Variants in OPRD1 observed in about 807,000 individuals in gnomAD.
OPRD1 encodes the protein delta-type opioid receptor.
OPRD1 carries 19 observed loss-of-function variants against 17.5 expected under a neutral mutation model. The observed-to-expected ratio is 1.09, with a 90% confidence interval of 0.76 to 1.60. OPRD1 has a LOEUF of 1.60. Ranked by LOEUF, OPRD1 falls within the 40% of genes most tolerant of loss-of-function variation. OPRD1 has a pLI of 0.00. For missense variants in OPRD1, 483 were observed against 547.2 expected (o/e 0.88, Z 1.17); for synonymous variants, 256 against 240.9 (o/e 1.06, Z -0.58).
intron 1 of OPRD1, among the ~76,000 whole-genome samples, chr1:28,846,596 T>C (rs952307125): frequency 1.3e-5 from 2 of 150,754 alleles, no homozygotes; most frequent in Non-Finnish European, 2.9e-5. Context: ...GGCACGAGAA[T>C]CGCTTGAACC....
At chr1:28,859,737 G>A (rs989930290) in intron 2 of OPRD1, among the ~76,000 whole-genome samples, 4 of 152,182 alleles carry the variant, frequency 2.6e-5, no homozygotes, top group African/African-American at 9.7e-5. Context: ...AAGATCTGTG[G>A]TCCCATTTTA....
At chr1:28,844,166 T>G (rs886369908) in intron 1 of OPRD1, among the ~76,000 whole-genome samples, 2 of 19,748 alleles carry the variant, frequency 1.0e-4, no homozygotes, top group Middle Eastern at 0.02. Flanking sequence ...TGATTTCTGT[T>G]TTTTTTTTTT....
At chr1:28,855,628 G>A (rs147906018) in intron 1 of OPRD1, among the ~76,000 whole-genome samples, 241 of 152,312 alleles carry the variant, frequency 1.6e-3, no homozygotes, top group African/African-American at 5.6e-3. Flanking sequence ...CGCTCAGCCC[G>A]CTTGGACCAA....
chr1:28,852,164 T>TAAAA (rs71030305), intron 1 of OPRD1, among the ~76,000 whole-genome samples: 61 of 86,526 alleles, frequency 7.0e-4, no homozygotes, highest in Non-Finnish European at 9.0e-4. Context: ...AAACTCCATG[T>TAAAA]AAAAAAAAAA....
chr1:28,824,179 C>CCCA (rs1169377469), intron 1 of OPRD1, among the ~76,000 whole-genome samples: 9 of 82,326 alleles, frequency 1.1e-4, no homozygotes, highest in African/African-American at 3.3e-4. Context: ...AACCTATCTC[C>CCCA]AAAAAAAAAA....
chr1:28,846,911 C>CTTTCTTTCTT, intron 1 of OPRD1, among the ~76,000 whole-genome samples: 2 of 124,080 alleles, frequency 1.6e-5, no homozygotes, highest in African/African-American at 3.0e-5. Context: ...CTTTCTTTTT[C>CTTTCTTTCTT]TTTCTTTCTT....
At position 28,867,540 on chromosome 1, in the gene OPRD1, CTG is replaced by C. The variant is rs991024820; in HGVS notation, c.*4261_*4262del. Reference sequence around the variant, plus strand: ...TTTTTCAATAGAGACCAGAGTGTCTCTGTGTTGCCCAGACTGGTCTTGAACTT... The same window carrying C: ...TTTTTCAATAGAGACCAGAGTGTCTCTGTTGCCCAGACTGGTCTTGAACTT... On this transcript the variant is annotated 3_prime_UTR_variant, in exon 3 of 3. Coordinates refer to ENST00000234961, the MANE Select transcript of OPRD1 (RefSeq NM_000911.4). 2.6e-5 allele frequency: 4 copies of C among 151,778 alleles called. No homozygotes were observed. The highest frequency in any genetic ancestry group is 9.7e-5 in the African/African-American group (4 of 41,272). The allele number at this position is 151,778 out of a possible 1,614,324, so 9.4% of individuals were successfully genotyped here. A position where few individuals can be genotyped will look rare whatever the true frequency, so the allele number is the denominator to read the frequency against.
intron 1 of OPRD1, among the ~76,000 whole-genome samples, chr1:28,858,038 G>A (rs2089073024): frequency 1.3e-5 from 2 of 150,436 alleles, no homozygotes; most frequent in African/African-American, 4.9e-5. Flanking sequence ...CTCGTGATCC[G>A]CCCACCTCGG....
intron 1 of OPRD1, among the ~76,000 whole-genome samples, chr1:28,824,319 T>TC (rs982294983): frequency 1.5e-5 from 2 of 134,554 alleles, no homozygotes; most frequent in Admixed American, 7.1e-5. Flanking sequence ...TTTTCTTTTT[T>TC]TTTTTTTTTT....
Position 28,854,876 on chromosome 1 carries a change from T to C in OPRD1, c.228-4078T>C, listed in dbSNP as rs181200846. Among the ~76,000 whole-genome samples the C allele has an allele frequency of 5.0e-3, 755 of 151,954 alleles. 7 individuals are homozygous for C. The highest frequency in any genetic ancestry group is 0.017 in the African/African-American group (719 of 41,426). ...CGTGTTAGTCAGGCTGGTCTCGAAC[T>C]CCTGACCTCGTGATCCACCCACCTC... On this transcript the variant is annotated intron_variant, in intron 1 of 2. Coordinates refer to ENST00000234961, the MANE Select transcript of OPRD1 (RefSeq NM_000911.4).
Position 28,866,288 on chromosome 1 carries a change from G to C in OPRD1, c.*3005G>C, listed in dbSNP as rs1037939483. 2 of 152,272 alleles carry C rather than the reference G, an allele frequency of 1.3e-5. No homozygotes were observed. The highest frequency in any genetic ancestry group is 4.8e-5 in the African/African-American group (2 of 41,466). 9.4% of individuals were successfully genotyped at this position (152,272 alleles called of 1,614,324 possible). On this transcript the variant is annotated 3_prime_UTR_variant, in exon 3 of 3. Transcript: ENST00000234961. ...TTCACTAAAACACATGTTTGTCGCA[G>C]TTCTGTAAGAGGTGGAAAAGGGTCG...
In OPRD1 at chr1:28,867,012, T is replaced by G. The variant is rs1303708538; in HGVS notation, c.*3729T>G. 6.6e-6 allele frequency: 1 copy of G among 151,410 alleles called. No individual in the cohort carries two copies. The highest frequency in any genetic ancestry group is 2.4e-5 in the African/African-American group (1 of 41,118). The allele number at this position is 151,410 out of a possible 1,614,324, so 9.4% of individuals were successfully genotyped here. On this transcript the variant is annotated 3_prime_UTR_variant, in exon 3 of 3. Coordinates refer to ENST00000234961, the MANE Select transcript of OPRD1 (RefSeq NM_000911.4). Reference sequence around the variant, plus strand: ...TCTTCTTCTTCATCATCTTTTTTTTTTTTTTTTCAGCCAGTGTCTTGCTCT... The same window carrying G: ...TCTTCTTCTTCATCATCTTTTTTTTGTTTTTTTCAGCCAGTGTCTTGCTCT...
chr1:28,831,728 A>T (rs890206356), intron 1 of OPRD1, among the ~76,000 whole-genome samples: 1 of 151,740 alleles, frequency 6.6e-6, no homozygotes, highest in East Asian at 1.9e-4. Context: ...TGTAGAGATG[A>T]GGTCTCACTA....
chr1:28,868,301 C>G lies in OPRD1; in HGVS notation c.*5018C>G, dbSNP rs1455830689. 1 of 152,174 alleles carries G rather than the reference C, an allele frequency of 6.6e-6. No individual in the cohort carries two copies. The highest frequency in any genetic ancestry group is 1.5e-5 in the Non-Finnish European group (1 of 68,038). 9.4% of individuals were successfully genotyped at this position (152,174 alleles called of 1,614,324 possible). On this transcript the variant is annotated 3_prime_UTR_variant, in exon 3 of 3. Transcript: ENST00000234961. ...TGTGGGAATTGGTCCATCTCTAATA[C>G]GATCATCAGCCTCACTTAATAAGAG...
chr1:28,840,685 G>T (rs547292502), intron 1 of OPRD1, among the ~76,000 whole-genome samples: 1 of 152,278 alleles, frequency 6.6e-6, no homozygotes, highest in South Asian at 2.1e-4. Flanking sequence ...ACTTTAGGAG[G>T]CCAAAGTGGG....
In OPRD1 at chr1:28,863,650, C is replaced by T. The variant is rs931511752; in HGVS notation, c.*367C>T. 24 of 222,962 alleles carry T rather than the reference C, an allele frequency of 1.1e-4. 1 individual carries two copies. Among genetic ancestry groups the T allele is most frequent in the Admixed American group, 9.3e-4 (16 of 17,202 alleles). 13.8% of individuals were successfully genotyped at this position (222,962 alleles called of 1,614,324 possible). ...CGGGGCTTCAACCTTGAGACAGCTTCGGTTTCTAACTTGGAGCCGGACTTT... is the reference window on the plus strand; with the variant it reads ...CGGGGCTTCAACCTTGAGACAGCTTTGGTTTCTAACTTGGAGCCGGACTTT... On this transcript the variant is annotated 3_prime_UTR_variant, in exon 3 of 3. Transcript: ENST00000234961.
chr1:28,827,119 A>C (rs1271177993), intron 1 of OPRD1, among the ~76,000 whole-genome samples: 2 of 150,284 alleles, frequency 1.3e-5, no homozygotes, highest in East Asian at 3.9e-4. Flanking sequence ...ACATGGCAAA[A>C]CCTTGTGTCT....
Position 28,868,998 on chromosome 1 carries a change from G to A in OPRD1, c.*5715G>A, listed in dbSNP as rs939726658. The stretch of plus-strand genomic sequence containing the variant: ...GTGTCAGCCGCAGATCCCTCACCTA[G>A]GGCATGACTACTGGCTGCCAGCTCC... On this transcript the variant is annotated 3_prime_UTR_variant, in exon 3 of 3. Transcript: ENST00000234961. The A allele has an allele frequency of 3.3e-5, 5 of 152,302 alleles. No homozygotes were observed. Among genetic ancestry groups the A allele is most frequent in the Non-Finnish European group, 5.9e-5 (4 of 68,142 alleles). The allele number at this position is 152,302 out of a possible 1,614,324, so 9.4% of individuals were successfully genotyped here. A position where few individuals can be genotyped will look rare whatever the true frequency, so the allele number is the denominator to read the frequency against.
chr1:28,835,039 G>A (rs1385737646), intron 1 of OPRD1, among the ~76,000 whole-genome samples: 2 of 152,194 alleles, frequency 1.3e-5, no homozygotes. Flanking sequence ...GGTAGAGGGA[G>A]TATATCCTTT....
Sources: gnomAD v4.1 joint callset for allele counts (sites outside exome capture counted in the v4.1 genomes callset) on GRCh38, gnomAD v4.1.1 for gene constraint, MANE v1.5 for transcripts, NCBI Gene and HGNC (gene_info 2026-07-23, HGNC 2026-07-21) for gene names.